FAM3A: variants seen among roughly 807,000 people sequenced by gnomAD.
FAM3A encodes FAM3 metabolism regulating signaling molecule A.
FAM3A carries 5 observed loss-of-function variants against 18.1 expected under a neutral mutation model. That is an observed-to-expected ratio of 0.28 (90% CI 0.14 to 0.58). The LOEUF (loss-of-function observed/expected upper bound fraction) is 0.58. Ranked by LOEUF, FAM3A falls within the 20% of genes least tolerant of loss-of-function variation. FAM3A has a pLI of 0.91. For synonymous variants in FAM3A, 108 were observed against 90.2 expected, an observed-to-expected ratio of 1.20 and a Z score of -1.12; for missense variants, 154 against 216.6, an observed-to-expected ratio of 0.71 and a Z score of 1.81.
rs1557222885 is a variant in FAM3A at position 154,511,879 on chromosome X, T to C, written c.128-8A>G. ...TCACCGAGCTCTCTGGACCTGTGGA[T>C]ACAGAGTGGTTTCTGTTAGTGTGGA... On this transcript the variant is annotated splice_polypyrimidine_tract_variant and splice_region_variant and intron_variant, in intron 2 of 8. Coordinates refer to ENST00000447601, the MANE Select transcript of FAM3A (RefSeq NM_021806.4). The C allele has an allele frequency of 4.1e-6, 5 of 1,209,093 alleles. No individual in the cohort carries two copies. In the Middle Eastern group the frequency reaches 9.3e-4, roughly 224 times the overall value.
chrX:154,515,878 C>G lies in FAM3A; in HGVS notation c.-106G>C. On this transcript the variant is annotated 5_prime_UTR_variant, in exon 1 of 9. Transcript: ENST00000447601. ...TCAGGGGCAAGCCTGTGCGGGACCCCTGCTGGGGGCGGGCGCGATCGGTGC... is the reference window on the plus strand; with the variant it reads ...TCAGGGGCAAGCCTGTGCGGGACCCGTGCTGGGGGCGGGCGCGATCGGTGC... 1 of 876,703 alleles carries G rather than the reference C, an allele frequency of 1.1e-6. No individual in the cohort carries two copies. The highest frequency in any genetic ancestry group is 1.7e-6 in the Non-Finnish European group (1 of 603,680). 72.3% of individuals were successfully genotyped at this position (876,703 alleles called of 1,213,427 possible).
intron 4 of FAM3A, 61 bp downstream of exon 4, chrX:154,508,413 G>T: frequency 4.2e-6 from 5 of 1,181,811 alleles, no homozygotes; most frequent in Non-Finnish European, 5.7e-6. Context: ...ACTCTCCCTT[G>T]CAGACCCGGC....
At chrX:154,511,931 C>A in intron 2 of FAM3A, 60 bp from the exon 3 acceptor site, 1 of 1,074,213 alleles carries the variant, frequency 9.3e-7, no homozygotes, top group Non-Finnish European at 1.3e-6. Context: ...GGCAGGGCAG[C>A]CTGGCCCTCC....
At position 154,515,872 on chromosome X, in the gene FAM3A, G is replaced by A. The variant is rs2070169214; in HGVS notation, c.-100C>T. The stretch of plus-strand genomic sequence containing the variant: ...TGGGGGTCAGGGGCAAGCCTGTGCG[G>A]GACCCCTGCTGGGGGCGGGCGCGAT... On this transcript the variant is annotated 5_prime_UTR_variant, in exon 1 of 9. Transcript: ENST00000447601. The A allele has an allele frequency of 1.1e-5, 10 of 952,004 alleles. No homozygotes were observed. The highest frequency in any genetic ancestry group is 3.1e-5 in the East Asian group (1 of 31,969). The allele number at this position is 952,004 out of a possible 1,213,427, so 78.5% of individuals were successfully genotyped here.
At chrX:154,515,272 T>G (rs1210602933) in intron 1 of FAM3A, among the ~76,000 whole-genome samples, 1 of 111,943 alleles carries the variant, frequency 8.9e-6, no homozygotes, top group Non-Finnish European at 1.9e-5. Context: ...CCTGGATATG[T>G]CCACAAAGTT....
intron 3 of FAM3A, 34 bp from the exon 4 acceptor site, chrX:154,508,631 T>G (rs1557220877): frequency 4.3e-6 from 5 of 1,172,443 alleles, no homozygotes; most frequent in Non-Finnish European, 5.7e-6. Context: ...TCCATGGGCC[T>G]GGCCCTGAGG....
At chrX:154,507,747 T>C in intron 6 of FAM3A, 64 bp downstream of exon 6, 1 of 1,048,935 alleles carries the variant, frequency 9.5e-7, no homozygotes, top group Non-Finnish European at 1.3e-6. Context: ...GAGCAGTGTC[T>C]CAGGGGAAGC....
At chrX:154,514,915 T>A (rs1557225005) in intron 1 of FAM3A, among the ~76,000 whole-genome samples, 1 of 108,336 alleles carries the variant, frequency 9.2e-6, no homozygotes, top group East Asian at 3.0e-4. Context: ...TGGCGCAATC[T>A]CGGCTCACTG....
Position 154,506,614 on chromosome X carries a change from G to GCT in FAM3A, c.*196_*197insAG. On this transcript the variant is annotated 3_prime_UTR_variant, in exon 9 of 9. Transcript: ENST00000447601. ...TGGGCTCCCGTGACAAAGTGCGGCA[G>GCT]GGCTACCCCCTGCAGCCCCCATAGC... is the stretch of plus-strand genomic sequence containing the variant. The GCT allele has an allele frequency of 2.3e-6, 1 of 434,983 alleles. No individual in the cohort carries two copies. Among genetic ancestry groups the GCT allele is most frequent in the South Asian group, 3.4e-5 (1 of 29,840 alleles). The allele number at this position is 434,983 out of a possible 1,213,427, so 35.8% of individuals were successfully genotyped here.
Position 154,508,352 on chromosome X carries a change from T to C in FAM3A, c.276-5A>G. On this transcript the variant is annotated splice_polypyrimidine_tract_variant and splice_region_variant and intron_variant, in intron 4 of 8. Transcript: ENST00000447601. Reference sequence around the variant, plus strand: ...TCCTTGACGCTGCTCATCAGCCTAGTTGGGGGGGGGTGGGGGGGACGGGGA... The same window carrying C: ...TCCTTGACGCTGCTCATCAGCCTAGCTGGGGGGGGGTGGGGGGGACGGGGA... 1 of 274,069 alleles carries C rather than the reference T, an allele frequency of 3.6e-6. No homozygotes were observed. 22.6% of individuals were successfully genotyped at this position (274,069 alleles called of 1,213,427 possible).
Position 154,507,844 on chromosome X carries a change from T to A in FAM3A, c.352A>T (p.Ile118Phe). Residue 118 changes from isoleucine (I) to phenylalanine (F), a missense_variant, in exon 6 of 9, where the codon ATC becomes TTC. Physicochemically the swap from Ile to Phe is conservative, Grantham distance 21. Transcript: ENST00000447601. ...CACATGTCAAAGGCCCGGGCCTCGA[T>A]GAGCTCGCCGCTGACCCCTGTGTCA... ...ALVNGVSGEL[I>F]EARAFDMWAG... is the part of the protein sequence containing the mutation. 1 of 1,194,266 alleles carries A rather than the reference T, an allele frequency of 8.4e-7. No homozygotes were observed. Among genetic ancestry groups the A allele is most frequent in the South Asian group, 1.8e-5 (1 of 54,455 alleles).
In FAM3A at chrX:154,508,298, G is replaced by A; in HGVS notation, c.325C>T (p.Leu109=). 1 of 1,084,090 alleles carries A rather than the reference G, an allele frequency of 9.2e-7. No individual in the cohort carries two copies. Among genetic ancestry groups the A allele is most frequent in the East Asian group, 3.4e-5 (1 of 29,275 alleles). The allele number at this position is 1,084,090 out of a possible 1,213,427, so 89.3% of individuals were successfully genotyped here. A position where few individuals can be genotyped will look rare whatever the true frequency, so the allele number is the denominator to read the frequency against. Residue 109 remains leucine, a synonymous_variant, in exon 5 of 9, where the codon CTG becomes TTG. Transcript: ENST00000447601. ...CAGCCAGGGGCCTCACCGTTCACCA[G>A]GGCGATGTTCAGCCCGCGGCCCACG... ...DNVGRGLNIA[L]VNGVSGELIE... is the part of the protein sequence containing the mutation.
Position 154,512,846 on chromosome X carries a change from G to A in FAM3A, c.104C>T (p.Pro35Leu), listed in dbSNP as rs2069968045. The A allele has an allele frequency of 1.7e-6, 2 of 1,206,992 alleles. No individual in the cohort carries two copies. The highest frequency in any genetic ancestry group is 2.2e-6 in the Non-Finnish European group (2 of 892,205). ...ILLGGPGSGF[P>L]RIQQLFTSPE... ...ACTGGTGAAGAGTTGCTGGATGCGAGGAAAGCCACTGCCAGGCCCACCCAG... is the reference window on the plus strand; with the variant it reads ...ACTGGTGAAGAGTTGCTGGATGCGAAGAAAGCCACTGCCAGGCCCACCCAG... Residue 35 changes from proline to leucine, a missense_variant, in exon 2 of 9, where the codon CCT becomes CTT. Physicochemically the swap from Pro to Leu is moderately conservative, Grantham distance 98. Transcript: ENST00000447601.
intron 3 of FAM3A, chrX:154,510,536 A>G (rs2069814664): frequency 9.5e-6 from 1 of 105,356 alleles, no homozygotes; most frequent in Non-Finnish European, 2.0e-5. Context: ...CTACCAAAAA[A>G]AAAAAAAAAA....
chrX:154,512,213 C>A, intron 2 of FAM3A: 2 of 223,257 alleles, frequency 9.0e-6, no homozygotes, highest in Non-Finnish European at 1.5e-5. Context: ...GAAACCCCAT[C>A]TCTACTAAAA....
At position 154,511,831 on chromosome X, in the gene FAM3A, G is replaced by C; in HGVS notation, c.151+17C>G. On this transcript the variant is annotated intron_variant, in intron 3 of 8. Transcript: ENST00000447601. ...ATGTCACAAAGGGGAGGAGCAGGGA[G>C]GTGACAGGGGCCTTACCTGCAGTCA... 3 of 1,206,062 alleles carry C rather than the reference G, an allele frequency of 2.5e-6. No individual in the cohort carries two copies.
chrX:154,507,701 C>A lies in FAM3A; in HGVS notation c.385+110G>T. The A allele has an allele frequency of 5.5e-6, 5 of 915,116 alleles. No homozygotes were observed. In the South Asian group the frequency reaches 1.1e-4, roughly 19 times the overall value. 75.4% of individuals were successfully genotyped at this position (915,116 alleles called of 1,213,427 possible). A position where few individuals can be genotyped will look rare whatever the true frequency, so the allele number is the denominator to read the frequency against. Reference sequence around the variant, plus strand: ...GATGCCCCTGTCCTTTCTGAACCCACGGAGGTGACTGAGAAGCTCCAAGTA... The same window carrying A: ...GATGCCCCTGTCCTTTCTGAACCCAAGGAGGTGACTGAGAAGCTCCAAGTA... On this transcript the variant is annotated intron_variant, in intron 6 of 8. Transcript: ENST00000447601.
chrX:154,508,985 T>A, intron 3 of FAM3A: 1 of 266,688 alleles, frequency 3.7e-6, no homozygotes, highest in Non-Finnish European at 7.1e-6. Flanking sequence ...GTCTCCCGAT[T>A]TTGATGGGGG....
chrX:154,514,933 A>C (rs1345422166), intron 1 of FAM3A, among the ~76,000 whole-genome samples: 2 of 110,142 alleles, frequency 1.8e-5, no homozygotes, highest in Non-Finnish European at 3.8e-5. Flanking sequence ...CTGCAACCTC[A>C]GCCTCCCGGG....
Sources: allele counts gnomAD v4.1 joint callset (sites outside exome capture counted in the v4.1 genomes callset), GRCh38; gene constraint gnomAD v4.1.1; transcripts MANE v1.5; gene names NCBI Gene and HGNC (gene_info 2026-07-23, HGNC 2026-07-21).